The following ST18 variants were observed in gnomAD, a reference collection of about 807,000 sequenced individuals.
ST18 encodes the protein suppression of tumorigenicity 18 protein.
ST18 carries 50 observed loss-of-function variants against 110.0 expected under a neutral mutation model. That is an observed-to-expected ratio of 0.45 (90% CI 0.36 to 0.58). The LOEUF (loss-of-function observed/expected upper bound fraction) is 0.58. ST18 is among the 20% of genes least tolerant of loss of function. The pLI is 0.00. For missense variants in ST18, 1,306 were observed against 1,280.1 expected (o/e 1.02, Z -0.31); for synonymous variants, 461 against 452.4 (o/e 1.02, Z -0.24).
At chr8:52,161,288 T>G in intron 14 of ST18, 87 bp downstream of exon 14, 1 of 1,380,856 alleles carries the variant, frequency 7.2e-7, no homozygotes, top group African/African-American at 1.4e-5. Context: ...ATCATATATT[T>G]AAGTACAGCC....
chr8:52,137,734 A>T, intron 17 of ST18: 1 of 436,318 alleles, frequency 2.3e-6, no homozygotes, highest in Non-Finnish European at 4.1e-6. Context: ...CGATTATTTG[A>T]TTCCATTGAT....
intron 8 of ST18, among the ~76,000 whole-genome samples, chr8:52,187,804 T>C (rs2072943258): frequency 6.6e-6 from 1 of 152,232 alleles, no homozygotes. Context: ...ACCCAATACA[T>C]AAATTAAAGA....
At chr8:52,381,114 C>G (rs1040666014) in intron 2 of ST18, among the ~76,000 whole-genome samples, 2 of 152,174 alleles carry the variant, frequency 1.3e-5, no homozygotes, top group Admixed American at 6.5e-5. Flanking sequence ...CTTGCTGAAG[C>G]CTAAATATCT....
intron 2 of ST18, among the ~76,000 whole-genome samples, chr8:52,317,515 T>C (rs571348916): frequency 1.3e-5 from 2 of 152,362 alleles, no homozygotes; most frequent in South Asian, 4.1e-4. Context: ...TTCTGTTGTT[T>C]TAAGCCACTC....
chr8:52,316,522 T>A (rs2096030034), intron 2 of ST18, among the ~76,000 whole-genome samples: 1 of 152,222 alleles, frequency 6.6e-6, no homozygotes, highest in Admixed American at 6.5e-5. Context: ...CACATTCAAG[T>A]TTTATTTTAT....
rs1402261060 is a variant in ST18, at chr8:52,165,241, C to T, written c.1205-16G>A. 6 of 1,613,386 alleles carry T rather than the reference C, an allele frequency of 3.7e-6. No homozygotes were observed. In the South Asian group the frequency reaches 5.5e-5, roughly 15 times the overall value. On this transcript the variant is annotated splice_polypyrimidine_tract_variant and intron_variant, in intron 11 of 25. Transcript: ENST00000689386. ...ATGGCAAGAACTAAGCACAAAACAA[C>T]ACATAAAGGAAAGAATACTTTACCA...
intron 8 of ST18, among the ~76,000 whole-genome samples, chr8:52,207,327 C>A (rs2080454062): frequency 6.6e-6 from 1 of 152,010 alleles, no homozygotes; most frequent in Admixed American, 6.6e-5. Flanking sequence ...CTCATCTGTA[C>A]AGAAAATAAA....
intron 10 of ST18, among the ~76,000 whole-genome samples, chr8:52,167,825 G>A (rs1332330619): frequency 1.3e-5 from 2 of 152,124 alleles, no homozygotes; most frequent in Admixed American, 6.5e-5. Context: ...TCATGGTAAG[G>A]GGCACCTGCT....
At chr8:52,128,054 C>T (rs2047790083) in intron 22 of ST18, among the ~76,000 whole-genome samples, 1 of 152,086 alleles carries the variant, frequency 6.6e-6, no homozygotes, top group South Asian at 2.1e-4. Flanking sequence ...CTGCAACCTC[C>T]ACCTCCTGGG....
At chr8:52,319,468 G>A (rs970969805) in intron 2 of ST18, among the ~76,000 whole-genome samples, 5 of 151,680 alleles carry the variant, frequency 3.3e-5, no homozygotes, top group African/African-American at 9.7e-5. Context: ...CTTCATTTTC[G>A]ATGCATAAAT....
intron 2 of ST18, among the ~76,000 whole-genome samples, chr8:52,389,740 C>T (rs573248081): frequency 6.6e-6 from 1 of 152,314 alleles, no homozygotes; most frequent in East Asian, 1.9e-4. Flanking sequence ...CACGGGCCTT[C>T]CTGCGTCGTG....
chr8:52,348,150 A>G (rs1818571500), intron 2 of ST18, among the ~76,000 whole-genome samples: 1 of 152,158 alleles, frequency 6.6e-6, no homozygotes, highest in Admixed American at 6.5e-5. Flanking sequence ...GGAAAAGGAG[A>G]GGAGAAATAA....
intron 2 of ST18, among the ~76,000 whole-genome samples, chr8:52,244,877 A>G (rs2093716622): frequency 6.6e-6 from 1 of 152,188 alleles, no homozygotes; most frequent in Non-Finnish European, 1.5e-5. Flanking sequence ...GATGCAACAG[A>G]ATGCATTTTC....
At chr8:52,214,869 C>T (rs1427707949) in intron 6 of ST18, among the ~76,000 whole-genome samples, 1 of 152,078 alleles carries the variant, frequency 6.6e-6, no homozygotes, top group Non-Finnish European at 1.5e-5. Context: ...ATATATGTGC[C>T]AGTGTCAAAT....
intron 3 of ST18, among the ~76,000 whole-genome samples, chr8:52,228,483 CTT>C (rs1483660018): frequency 6.6e-6 from 1 of 152,116 alleles, no homozygotes; most frequent in Admixed American, 6.6e-5. Flanking sequence ...ATACTGATGA[CTT>C]TTGTGTGGGA....
chr8:52,371,754 G>A (rs536671462), intron 2 of ST18, among the ~76,000 whole-genome samples: 1 of 152,232 alleles, frequency 6.6e-6, no homozygotes, highest in African/African-American at 2.4e-5. Flanking sequence ...AATGGAGTTG[G>A]AAAACTCCCA....
intron 18 of ST18, 85 bp downstream of exon 18, chr8:52,137,336 A>G (rs2052852678): frequency 7.1e-7 from 1 of 1,409,300 alleles, no homozygotes; most frequent in Non-Finnish European, 9.8e-7. Context: ...TGCTTCAGAT[A>G]ATACATGGAT....
intron 2 of ST18, among the ~76,000 whole-genome samples, chr8:52,402,520 G>A (rs1408726596): frequency 6.6e-6 from 1 of 152,156 alleles, no homozygotes; most frequent in African/African-American, 2.4e-5. Flanking sequence ...CAGGGAAGAA[G>A]GGGTGTTCTA....
chr8:52,352,277 C>T (rs1820715928), intron 2 of ST18, among the ~76,000 whole-genome samples: 1 of 152,138 alleles, frequency 6.6e-6, no homozygotes, highest in Non-Finnish European at 1.5e-5. Context: ...CGGACAAGAC[C>T]ACAAGCCCCA....
Sources: gnomAD v4.1 joint callset for allele counts (sites outside exome capture counted in the v4.1 genomes callset) on GRCh38, gnomAD v4.1.1 for gene constraint, MANE v1.5 for transcripts, NCBI Gene and HGNC (gene_info 2026-07-23, HGNC 2026-07-21) for gene names.